Variants in MAP3K21 observed in about 807,000 individuals in gnomAD.
MAP3K21 encodes mitogen-activated protein kinase kinase kinase 21.
A neutral mutation model predicts 86.1 loss-of-function variants in MAP3K21; 63 were observed. The ratio of observed to expected loss-of-function variants is 0.73; its 90% CI spans 0.60 to 0.90. MAP3K21 has a LOEUF of 0.90. Among genes scored for constraint, MAP3K21 ranks in the 40% least tolerant of loss-of-function variants. The pLI is 0.00. For missense variants in MAP3K21, 1,220 were observed against 1,367.7 expected (o/e 0.89, Z 1.70); for synonymous variants, 558 against 564.8 (o/e 0.99, Z 0.17).
chr1:233,363,266 G>A (rs1371296251), intron 5 of MAP3K21, among the ~76,000 whole-genome samples: 3 of 152,188 alleles, frequency 2.0e-5, no homozygotes, highest in Non-Finnish European at 4.4e-5. Flanking sequence ...TTGATTTAAA[G>A]TGCAACAGTG....
chr1:233,338,879 G>A (rs890384397), intron 1 of MAP3K21, among the ~76,000 whole-genome samples: 19 of 152,330 alleles, frequency 1.2e-4, no homozygotes, highest in African/African-American at 4.3e-4. Context: ...GGGGAACCAG[G>A]TTGGAAATAT....
intron 1 of MAP3K21, among the ~76,000 whole-genome samples, chr1:233,342,256 C>CT (rs926988409): frequency 2.6e-5 from 4 of 152,204 alleles, no homozygotes; most frequent in Non-Finnish European, 5.9e-5. Context: ...CAGAAAAGGG[C>CT]TGGGGATGAG....
intron 1 of MAP3K21, among the ~76,000 whole-genome samples, chr1:233,337,084 G>C (rs1475891662): frequency 6.6e-6 from 1 of 152,160 alleles, no homozygotes; most frequent in East Asian, 1.9e-4. Context: ...GGTGACGTGA[G>C]GATTAAGTGA....
chr1:233,339,241 T>C (rs1022292691), intron 1 of MAP3K21, among the ~76,000 whole-genome samples: 7 of 88,546 alleles, frequency 7.9e-5, no homozygotes, highest in African/African-American at 1.8e-4. Flanking sequence ...CTTCTTCTTC[T>C]TCTTCTTCTT....
chr1:233,374,761 T>C (rs1663755841), intron 6 of MAP3K21, among the ~76,000 whole-genome samples: 1 of 151,946 alleles, frequency 6.6e-6, no homozygotes, highest in Non-Finnish European at 1.5e-5. Flanking sequence ...ATGTATTTAT[T>C]ATATGTAATA....
chr1:233,377,956 C>T (rs1395999912), intron 8 of MAP3K21, among the ~76,000 whole-genome samples: 2 of 152,172 alleles, frequency 1.3e-5, no homozygotes, highest in Non-Finnish European at 2.9e-5. Flanking sequence ...AATGCTTCTG[C>T]TGAACTGACA....
intron 3 of MAP3K21, 72 bp downstream of exon 3, chr1:233,354,027 A>G (rs1663301689): frequency 1.5e-6 from 2 of 1,360,708 alleles, no homozygotes; most frequent in Non-Finnish European, 1.9e-6. Flanking sequence ...TTTAAAAAAC[A>G]GAAAAAGCAT....
intron 8 of MAP3K21, 147 bp from the exon 9 acceptor site, chr1:233,378,784 A>G (rs2102768379): frequency 3.1e-6 from 2 of 653,312 alleles, no homozygotes; most frequent in East Asian, 5.6e-5. Flanking sequence ...GCCCTCCTGG[A>G]TGAATCATTT....
intron 6 of MAP3K21, 64 bp from the exon 7 acceptor site, chr1:233,375,852 T>C: frequency 7.3e-7 from 1 of 1,363,764 alleles, no homozygotes; most frequent in South Asian, 1.3e-5. Flanking sequence ...TTAGCTTTTT[T>C]AACAAAGCCA....
intron 2 of MAP3K21, among the ~76,000 whole-genome samples, 182 bp downstream of exon 2, chr1:233,346,804 T>A (rs545808675): frequency 2.0e-5 from 3 of 152,360 alleles, no homozygotes; most frequent in Admixed American, 6.5e-5. Flanking sequence ...TGCATTGTCA[T>A]ATGACTCCAT....
At chr1:233,372,797 A>T (rs1663710698) in intron 6 of MAP3K21, 1 of 152,178 alleles carries the variant, frequency 6.6e-6, no homozygotes. Flanking sequence ...GTCCAGATAA[A>T]CCCCTAAAAG....
At chr1:233,339,321 CTTCTTCT>C (rs1558451033) in intron 1 of MAP3K21, among the ~76,000 whole-genome samples, 11 of 143,516 alleles carry the variant, frequency 7.7e-5, no homozygotes, top group African/African-American at 1.3e-4. Flanking sequence ...TCTTCCTCTT[CTTCTTCT>C]TCCTCTTCTT....
intron 1 of MAP3K21, among the ~76,000 whole-genome samples, chr1:233,340,313 G>A (rs1430935735): frequency 6.6e-6 from 1 of 152,162 alleles, no homozygotes; most frequent in African/African-American, 2.4e-5. Flanking sequence ...TTGAGTGGGA[G>A]GTCCAGTAGG....
At chr1:233,366,392 A>G (rs1251644748) in intron 5 of MAP3K21, among the ~76,000 whole-genome samples, 7 of 152,230 alleles carry the variant, frequency 4.6e-5, no homozygotes, top group Non-Finnish European at 8.8e-5. Flanking sequence ...AAAGTAATAC[A>G]TATGCTAATT....
intron 4 of MAP3K21, among the ~76,000 whole-genome samples, chr1:233,358,953 G>A (rs1482034503): frequency 6.6e-6 from 1 of 151,996 alleles, no homozygotes; most frequent in East Asian, 1.9e-4. Flanking sequence ...GGGATTACAG[G>A]CGCCCACCAC....
At chr1:233,367,859 CAAA>C (rs5781742) in intron 5 of MAP3K21, among the ~76,000 whole-genome samples, 5 of 122,004 alleles carry the variant, frequency 4.1e-5, no homozygotes, top group Non-Finnish European at 3.4e-5. Context: ...GACTCCGTCT[CAAA>C]AAAAAAAAAA....
At chr1:233,339,268 C>CTTCTTCCTGT (rs1390932387) in intron 1 of MAP3K21, among the ~76,000 whole-genome samples, 2 of 19,854 alleles carry the variant, frequency 1.0e-4, no homozygotes, top group Non-Finnish European at 2.1e-4. Context: ...CTTCTTCTTC[C>CTTCTTCCTGT]TCTTCTTCTT....
At chr1:233,334,935 C>T (rs10127593) in intron 1 of MAP3K21, among the ~76,000 whole-genome samples, 1,934 of 150,038 alleles carry the variant, frequency 0.013, 35 homozygotes, top group African/African-American at 0.045. Flanking sequence ...TTAATTTAGA[C>T]TACATTTTCT....
In MAP3K21 at chr1:233,376,528, G is replaced by T. The variant is rs768637698; in HGVS notation, c.1924+1G>T. 6.2e-7 allele frequency: 1 copy of T among 1,606,142 alleles called. No individual in the cohort carries two copies. The highest frequency in any genetic ancestry group is 8.5e-7 in the Non-Finnish European group (1 of 1,174,100). ...GCTTCATTGTTTGTGGACCAGCCAG[G>T]TAAATGTGTTTCAGGAGGTAGGATT... On this transcript the variant is annotated splice_donor_variant, in intron 8 of 9. Transcript: ENST00000366624. LOFTEE classifies it high-confidence loss of function.
Sources: allele counts gnomAD v4.1 joint callset (sites outside exome capture counted in the v4.1 genomes callset), GRCh38; gene constraint gnomAD v4.1.1; transcripts MANE v1.5; gene names NCBI Gene and HGNC (gene_info 2026-07-23, HGNC 2026-07-21).